PPP4R2: variants seen among roughly 807,000 people sequenced by gnomAD.
PPP4R2 encodes the protein serine/threonine-protein phosphatase 4 regulatory subunit 2.
PPP4R2 carries 13 observed loss-of-function variants against 47.2 expected under a neutral mutation model. That is an observed-to-expected ratio of 0.28 (90% CI 0.18 to 0.44). The LOEUF is 0.44. PPP4R2 is among the 20% of genes least tolerant of loss of function. The probability of loss-of-function intolerance (pLI) is 1.00; values close to 1 mark genes in which losing one functional copy is unlikely to be tolerated. For missense variants in PPP4R2, 421 were observed against 491.2 expected, an observed-to-expected ratio of 0.86 and a Z score of 1.35; for synonymous variants, 151 against 163.3, an observed-to-expected ratio of 0.92 and a Z score of 0.57.
chr3:73,065,607 C>G lies in PPP4R2; in HGVS notation c.1139C>G (p.Thr380Arg), dbSNP rs770774100. Residue 380 changes from threonine (T) to arginine (R), a missense_variant, in exon 9 of 9, where the codon ACA (threonine) becomes AGA (arginine). Coordinates refer to ENST00000356692, the MANE Select transcript of PPP4R2 (RefSeq NM_174907.4). ...AGTAGTTCTTCTGACTGCCGTGAAACAGAAGAATTAGTAGGATCCAATTCC... is the reference window on the plus strand; with the variant it reads ...AGTAGTTCTTCTGACTGCCGTGAAAGAGAAGAATTAGTAGGATCCAATTCC... ...VSSSSSDCRE[T>R]EELVGSNSSK... 1.7e-5 allele frequency: 28 copies of G among 1,613,390 alleles called. No individual in the cohort carries two copies. In the Admixed American group the frequency reaches 4.7e-4, roughly 27 times the overall value.
intron 2 of PPP4R2, among the ~76,000 whole-genome samples, chr3:73,008,543 C>T (rs6801717): frequency 0.53 from 80,313 of 151,900 alleles, 21,615 homozygotes; most frequent in African/African-American, 0.62. Context: ...GTGGTGATGG[C>T]GGAGTAATGT....
At chr3:73,062,538 G>A in intron 5 of PPP4R2, 1 of 1,613,972 alleles carries the variant, frequency 6.2e-7, no homozygotes, top group Non-Finnish European at 8.5e-7. Context: ...TAATACTGTG[G>A]TTGGGAATGA....
intron 2 of PPP4R2, among the ~76,000 whole-genome samples, chr3:73,018,448 GTTAT>G (rs373829372): frequency 0.025 from 2,711 of 106,616 alleles, 126 homozygotes; most frequent in South Asian, 0.046. Context: ...GTTATGTTAT[GTTAT>G]TTATGTTATG....
intron 2 of PPP4R2, among the ~76,000 whole-genome samples, chr3:72,998,606 G>A (rs1701399125): frequency 6.6e-6 from 1 of 152,112 alleles, no homozygotes; most frequent in South Asian, 2.1e-4. Flanking sequence ...TGTTTAAAGT[G>A]TCACTTCTAT....
intron 2 of PPP4R2, among the ~76,000 whole-genome samples, chr3:73,021,302 C>G (rs941764013): frequency 1.2e-4 from 18 of 150,830 alleles, no homozygotes; most frequent in African/African-American, 4.4e-4. Context: ...GGCAAGATCA[C>G]TACTCACTGT....
intron 3 of PPP4R2, among the ~76,000 whole-genome samples, chr3:73,048,338 C>T (rs1052188435): frequency 6.6e-6 from 1 of 152,144 alleles, no homozygotes; most frequent in Non-Finnish European, 1.5e-5. Flanking sequence ...CCGCAACCTC[C>T]GCCTGCCAGG....
At chr3:73,020,294 C>T (rs1032106553) in intron 2 of PPP4R2, among the ~76,000 whole-genome samples, 3 of 152,040 alleles carry the variant, frequency 2.0e-5, no homozygotes, top group Non-Finnish European at 4.4e-5. Context: ...CTCAAGCAGT[C>T]CTCCTGTCCT....
intron 2 of PPP4R2, among the ~76,000 whole-genome samples, chr3:73,010,361 C>T (rs1701697903): frequency 6.6e-6 from 1 of 151,770 alleles, no homozygotes; most frequent in Admixed American, 6.6e-5. Context: ...GCAGTAGCTG[C>T]CAGAGGCATG....
chr3:73,023,796 A>G (rs1702006045), intron 2 of PPP4R2, among the ~76,000 whole-genome samples: 1 of 152,178 alleles, frequency 6.6e-6, no homozygotes, highest in Non-Finnish European at 1.5e-5. Context: ...ACCGTGAAAA[A>G]TGAAAGTATA....
intron 3 of PPP4R2, among the ~76,000 whole-genome samples, chr3:73,054,109 G>C (rs1702678900): frequency 1.3e-5 from 2 of 152,026 alleles, no homozygotes; most frequent in South Asian, 4.1e-4. Flanking sequence ...GTAGAGACAG[G>C]GTTTCGCCAT....
In PPP4R2 at chr3:72,996,967, TG is replaced by T. The variant is rs909642176; in HGVS notation, c.-65del. On this transcript the variant is annotated 5_prime_UTR_variant, in exon 1 of 9. Coordinates refer to ENST00000356692, the MANE Select transcript of PPP4R2 (RefSeq NM_174907.4). Reference sequence around the variant, plus strand: ...AGGGAGGGGGAGGGCGTCGGGGGGGTGGGGGGAGGCGTTCCGGTCCCCAAGA... The same window carrying T: ...AGGGAGGGGGAGGGCGTCGGGGGGGTGGGGGAGGCGTTCCGGTCCCCAAGA... The T allele has an allele frequency of 9.9e-5, 109 of 1,101,762 alleles. No homozygotes were observed. The highest frequency in any genetic ancestry group is 3.4e-4 in the Middle Eastern group (1 of 2,974). The allele number at this position is 1,101,762 out of a possible 1,614,324, so 68.2% of individuals were successfully genotyped here.
At chr3:73,032,954 C>G (rs528488035) in intron 2 of PPP4R2, among the ~76,000 whole-genome samples, 186 of 152,222 alleles carry the variant, frequency 1.2e-3, no homozygotes, top group Non-Finnish European at 2.0e-3. Context: ...CTGCTCCATT[C>G]TGGACTGGTT....
At chr3:73,044,032 C>G (rs973566375) in intron 2 of PPP4R2, among the ~76,000 whole-genome samples, 16 of 152,118 alleles carry the variant, frequency 1.1e-4, no homozygotes, top group Admixed American at 4.6e-4. Flanking sequence ...TTGCATAATG[C>G]CATCAAGCTT....
Position 73,041,762 on chromosome 3 carries a change from C to G in PPP4R2, c.117-5424C>G, listed in dbSNP as rs901973439. On this transcript the variant is annotated intron_variant, in intron 2 of 8. Transcript: ENST00000356692. The stretch of plus-strand genomic sequence containing the variant: ...TAGTAGAACTGGAAATGTTAGGAAC[C>G]AGTACGTTAAGGTGGTTGGCCGCTG... 4.6e-5 allele frequency among the ~76,000 whole-genome samples: 7 copies of G among 152,298 alleles called. 1 individual carries two copies. The South Asian group carries it at 1.5e-3, about 32-fold the overall frequency.
At chr3:73,021,876 G>GTA (rs1211284628) in intron 2 of PPP4R2, among the ~76,000 whole-genome samples, 15 of 125,782 alleles carry the variant, frequency 1.2e-4, no homozygotes, top group African/African-American at 5.0e-4. Flanking sequence ...GTGTGTGTGT[G>GTA]TGTGTATATA....
At chr3:73,030,103 A>C (rs755395932) in intron 2 of PPP4R2, among the ~76,000 whole-genome samples, 5 of 152,226 alleles carry the variant, frequency 3.3e-5, no homozygotes, top group Non-Finnish European at 7.3e-5. Flanking sequence ...AATAAAGAAT[A>C]AATTTTAAAA....
chr3:73,039,299 T>C (rs139363853), intron 2 of PPP4R2, among the ~76,000 whole-genome samples: 1 of 152,214 alleles, frequency 6.6e-6, no homozygotes, highest in African/African-American at 2.4e-5. Context: ...ATTTTTGTAT[T>C]TTTAGTAGAA....
intron 2 of PPP4R2, among the ~76,000 whole-genome samples, chr3:73,018,078 T>C (rs1701877108): frequency 6.6e-6 from 1 of 152,176 alleles, no homozygotes; most frequent in African/African-American, 2.4e-5. Flanking sequence ...GGTCACTCTA[T>C]TTTGTTTCTT....
chr3:73,001,207 A>G (rs922706265), intron 2 of PPP4R2, among the ~76,000 whole-genome samples: 2 of 152,174 alleles, frequency 1.3e-5, no homozygotes, highest in Non-Finnish European at 2.9e-5. Context: ...CTTGCAATTC[A>G]GAATGAGGAA....
Sources: allele counts gnomAD v4.1 joint callset (sites outside exome capture counted in the v4.1 genomes callset), GRCh38; gene constraint gnomAD v4.1.1; transcripts MANE v1.5; gene names NCBI Gene and HGNC (gene_info 2026-07-23, HGNC 2026-07-21).